FGF14: variants seen among roughly 807,000 people sequenced by gnomAD.
The protein encoded by FGF14 is fibroblast growth factor 14.
FGF14 carries 5 observed loss-of-function variants against 25.5 expected under a neutral mutation model. The observed-to-expected ratio is 0.20, with a 90% CI of 0.10 to 0.41. FGF14 has a LOEUF of 0.41. Ranked by LOEUF, FGF14 falls within the 10% of genes least tolerant of loss-of-function variation. The pLI is 1.00. For missense variants in FGF14, 222 were observed against 320.1 expected, an observed-to-expected ratio of 0.69 and a Z score of 2.34; for synonymous variants, 138 against 118.3, an observed-to-expected ratio of 1.17 and a Z score of -1.08.
chr13:102,166,964 C>G (rs1325305281), intron 1 of FGF14, among the ~76,000 whole-genome samples: 1 of 151,866 alleles, frequency 6.6e-6, no homozygotes, highest in East Asian at 1.9e-4. Context: ...AGAGGTATTG[C>G]AAACAGAGAT....
chr13:101,990,643 T>A (rs1214405198), intron 1 of FGF14, among the ~76,000 whole-genome samples: 5 of 152,054 alleles, frequency 3.3e-5, no homozygotes, highest in Non-Finnish European at 7.4e-5. Flanking sequence ...GGCTTTGGGG[T>A]GGCTCATGCA....
rs34333597 is a variant in FGF14 at position 101,822,494 on chromosome 13, C to CAA, written c.408+46229_408+46230dup. Reference sequence around the variant, plus strand: ...TTAAAATCAGCTTGTAAATTTCTACCAAAAAAAAAAAAAACCTGCTGGGAT... The same window carrying CAA: ...TTAAAATCAGCTTGTAAATTTCTACCAAAAAAAAAAAAAAAACCTGCTGGGAT... On this transcript the variant is annotated intron_variant, in intron 3 of 4. Transcript: ENST00000376143. Among the ~76,000 whole-genome samples, 807 of 143,860 alleles carry CAA rather than the reference C, an allele frequency of 5.6e-3. 7 individuals carry two copies. The highest frequency in any genetic ancestry group is 0.02 in the African/African-American group (772 of 38,862). The allele number at this position is 143,860 out of a possible 152,430, so 94.4% of individuals were successfully genotyped here. A position where few individuals can be genotyped will look rare whatever the true frequency, so the allele number is the denominator to read the frequency against.
At chr13:101,950,316 C>T (rs184874155) in intron 1 of FGF14, among the ~76,000 whole-genome samples, 8 of 152,246 alleles carry the variant, frequency 5.3e-5, no homozygotes, top group East Asian at 1.9e-4. Flanking sequence ...CTAATTGATA[C>T]GCTTAGGTAT....
At chr13:101,879,680 T>C (rs1029434797) in intron 1 of FGF14, among the ~76,000 whole-genome samples, 10 of 152,188 alleles carry the variant, frequency 6.6e-5, no homozygotes, top group African/African-American at 2.2e-4. Context: ...ACTATGTTTA[T>C]ATACACATAA....
Position 102,317,115 on chromosome 13 carries a change from A to G in FGF14, c.208+84356T>C, listed in dbSNP as rs370774528. Among the ~76,000 whole-genome samples the G allele has an allele frequency of 1.7e-3, 253 of 152,284 alleles. 2 individuals are homozygous for G. The highest frequency in any genetic ancestry group is 5.6e-3 in the African/African-American group (233 of 41,570). ...ATGTCAGTATGCCTGCCTCTAGCAC[A>G]GATGCATTTCTCCTACACTAACTAC... On this transcript the variant is annotated intron_variant, in intron 1 of 4. Transcript: ENST00000376131.
chr13:101,963,585 C>A (rs2224724), intron 1 of FGF14, among the ~76,000 whole-genome samples: 2 of 152,110 alleles, frequency 1.3e-5, no homozygotes, highest in Admixed American at 6.5e-5. Flanking sequence ...ATTTTCTACA[C>A]ATAAATGCAT....
At chr13:102,188,033 G>C (rs2048943110) in intron 1 of FGF14, among the ~76,000 whole-genome samples, 1 of 152,160 alleles carries the variant, frequency 6.6e-6, no homozygotes, top group South Asian at 2.1e-4. Flanking sequence ...AATATTTATA[G>C]AGTGCTTATT....
intron 1 of FGF14, among the ~76,000 whole-genome samples, chr13:102,161,637 G>GA (rs1183926009): frequency 2.3e-3 from 20 of 8,654 alleles, no homozygotes; most frequent in South Asian, 5.8e-3. Context: ...AGAAGAAGAA[G>GA]AAGAAGAAGA....
chr13:102,225,375 G>A (rs1343361128), intron 1 of FGF14, among the ~76,000 whole-genome samples: 1 of 152,156 alleles, frequency 6.6e-6, no homozygotes, highest in South Asian at 2.1e-4. Context: ...TTAACTACCC[G>A]CTCATTCAGG....
Position 101,715,844 on chromosome 13 carries a change from A to T in FGF14, c.*6987T>A. The T allele has an allele frequency of 4.3e-6, 2 of 463,060 alleles. No homozygotes were observed. Among genetic ancestry groups the T allele is most frequent in the Non-Finnish European group, 3.9e-6 (1 of 258,506 alleles). The allele number at this position is 463,060 out of a possible 1,614,324, so 28.7% of individuals were successfully genotyped here. A position where few individuals can be genotyped will look rare whatever the true frequency, so the allele number is the denominator to read the frequency against. ...TTATGCAAATTTAGATGCAAATAAC[A>T]TTAGAAAAAAAAGATTCTTCCATAA... On this transcript the variant is annotated 3_prime_UTR_variant, in exon 5 of 5. Coordinates refer to ENST00000376143, the MANE Select transcript of FGF14 (RefSeq NM_004115.4).
chr13:101,921,746 C>T (rs959603881), upstream of FGF14, among the ~76,000 whole-genome samples: 3 of 152,194 alleles, frequency 2.0e-5, no homozygotes, highest in African/African-American at 7.2e-5. Context: ...TATTCATCTC[C>T]CTTCACTTAC....
intron 1 of FGF14, among the ~76,000 whole-genome samples, chr13:102,078,610 T>C (rs1254677354): frequency 6.6e-6 from 1 of 152,106 alleles, no homozygotes; most frequent in African/African-American, 2.4e-5. Context: ...CTCATCCAAC[T>C]GCACTATGGA....
intron 3 of FGF14, among the ~76,000 whole-genome samples, chr13:101,788,094 A>G (rs1341939458): frequency 6.6e-6 from 1 of 152,132 alleles, no homozygotes; most frequent in African/African-American, 2.4e-5. Flanking sequence ...GCTGGTCTCA[A>G]AGTCCTGACA....
intron 1 of FGF14, among the ~76,000 whole-genome samples, chr13:102,255,456 G>A (rs1247531694): frequency 3.9e-5 from 6 of 152,152 alleles, no homozygotes. Context: ...CAGATGAGAG[G>A]GGGAAGCCAT....
chr13:102,320,064 C>G (rs2056185764), intron 1 of FGF14, among the ~76,000 whole-genome samples: 1 of 151,992 alleles, frequency 6.6e-6, no homozygotes, highest in Non-Finnish European at 1.5e-5. Flanking sequence ...AAAATGCATG[C>G]ATGTGCCTCT....
chr13:101,808,312 ATCTTT>A (rs1318085537), intron 3 of FGF14, among the ~76,000 whole-genome samples: 2 of 151,870 alleles, frequency 1.3e-5, no homozygotes, highest in African/African-American at 4.8e-5. Context: ...TATCCTTTTC[ATCTTT>A]TCTTTTCTTT....
chr13:101,735,151 T>C lies in FGF14; in HGVS notation c.409-8341A>G, dbSNP rs188991262. 6.2e-4 allele frequency among the ~76,000 whole-genome samples: 92 copies of C among 147,662 alleles called. 2 individuals carry two copies. The East Asian group carries it at 0.014, about 23-fold the overall frequency. Reference sequence around the variant, plus strand: ...AAAACTAACCTATTCCTAGAGGTGATCAAGTCCTGCCGAGATCTACAGAGC... The same window carrying C: ...AAAACTAACCTATTCCTAGAGGTGACCAAGTCCTGCCGAGATCTACAGAGC... On this transcript the variant is annotated intron_variant, in intron 3 of 4. Transcript: ENST00000376143.
chr13:101,973,868 A>AT (rs761292883), intron 1 of FGF14, among the ~76,000 whole-genome samples: 1 of 152,362 alleles, frequency 6.6e-6, no homozygotes, highest in Non-Finnish European at 1.5e-5. Context: ...AGTATTAACC[A>AT]TCACAATGAA....
chr13:102,052,232 A>G (rs1345944088), intron 1 of FGF14, among the ~76,000 whole-genome samples: 1 of 152,156 alleles, frequency 6.6e-6, no homozygotes, highest in Non-Finnish European at 1.5e-5. Context: ...AAAAAGGAAT[A>G]AAGGAAGCTT....
Sources: gnomAD v4.1 joint callset for allele counts (sites outside exome capture counted in the v4.1 genomes callset) on GRCh38, gnomAD v4.1.1 for gene constraint, MANE v1.5 for transcripts, NCBI Gene and HGNC (gene_info 2026-07-23, HGNC 2026-07-21) for gene names.